POP1: variants seen among roughly 807,000 people sequenced by gnomAD.
POP1 encodes POP1 ribonuclease P/MRP subunit.
In POP1, 75 loss-of-function variants were observed where a neutral mutation model predicts 102.2. The ratio of observed to expected loss-of-function variants is 0.73; its 90% CI spans 0.61 to 0.89. POP1 has a LOEUF of 0.89. POP1 is among the 40% of genes least tolerant of loss of function. The pLI is 0.00. For missense variants in POP1, 1,116 were observed against 1,267.4 expected (o/e 0.88, Z 1.81); for synonymous variants, 436 against 464.1 (o/e 0.94, Z 0.78).
intron 14 of POP1, among the ~76,000 whole-genome samples, chr8:98,154,480 C>G (rs147428893): frequency 2.5e-3 from 388 of 152,264 alleles, no homozygotes; most frequent in African/African-American, 7.5e-3. Context: ...GAGCAGGATA[C>G]TGACATCGCA....
At chr8:98,137,980 CT>C (rs1271288136) in intron 9 of POP1, among the ~76,000 whole-genome samples, 1 of 152,148 alleles carries the variant, frequency 6.6e-6, no homozygotes, top group East Asian at 1.9e-4. Context: ...TGAACAGATT[CT>C]GAGTTTTTAG....
chr8:98,146,511 G>T, intron 11 of POP1, 57 bp from the exon 12 acceptor site: 2 of 1,272,878 alleles, frequency 1.6e-6, no homozygotes, highest in Non-Finnish European at 2.3e-6. Flanking sequence ...AATGTTTGGA[G>T]TTTGACTTCA....
intron 4 of POP1, among the ~76,000 whole-genome samples, chr8:98,129,483 G>GTT (rs1816313247): frequency 6.6e-6 from 1 of 152,220 alleles, no homozygotes; most frequent in Admixed American, 6.5e-5. Flanking sequence ...TATAAAATCT[G>GTT]TTTCCCAGTG....
Position 98,136,943 on chromosome 8 carries a change from T to A in POP1, c.1351T>A (p.Ser451Thr). The A allele has an allele frequency of 6.2e-7, 1 of 1,604,852 alleles. No individual in the cohort carries two copies. Among genetic ancestry groups the A allele is most frequent in the Non-Finnish European group, 8.5e-7 (1 of 1,171,518 alleles). ...CCTAACTGAAGCAATAAAAGCTGCTTCTGTCCACACTGTAAGAGTAAAAGT... is the reference window on the plus strand; with the variant it reads ...CCTAACTGAAGCAATAAAAGCTGCTACTGTCCACACTGTAAGAGTAAAAGT... Reference protein sequence around the residue: ...SILTEAIKAASVHTVGEDTEE... With the variant: ...SILTEAIKAATVHTVGEDTEE... The change falls in exon 9 of 16, where the codon TCT becomes ACT. Residue 451 changes from serine (S) to threonine (T), a missense_variant. Transcript: ENST00000401707.
Position 98,140,898 on chromosome 8 carries a change from C to G in POP1, c.1594+10C>G. ...CCAGAAAAATGCCAAGGTAAAGTTCCAAAAACACCCCAGGTTTTCCTTACT... is the reference window on the plus strand; with the variant it reads ...CCAGAAAAATGCCAAGGTAAAGTTCGAAAAACACCCCAGGTTTTCCTTACT... On this transcript the variant is annotated intron_variant, in intron 11 of 15. Coordinates refer to ENST00000401707, the MANE Select transcript of POP1 (RefSeq NM_001145860.2). 1 of 1,612,510 alleles carries G rather than the reference C, an allele frequency of 6.2e-7. No homozygotes were observed. Among genetic ancestry groups the G allele is most frequent in the Non-Finnish European group, 8.5e-7 (1 of 1,178,682 alleles).
At chr8:98,145,356 G>A (rs934054423) in intron 11 of POP1, among the ~76,000 whole-genome samples, 1 of 152,140 alleles carries the variant, frequency 6.6e-6, no homozygotes, top group Non-Finnish European at 1.5e-5. Context: ...TGATGTTTCT[G>A]TGTGGACAGT....
intron 14 of POP1, 141 bp from the exon 15 acceptor site, chr8:98,155,909 T>TTGTGTGTGTGTGTGTGTGTGTG (rs58936294): frequency 2.1e-6 from 1 of 484,680 alleles, no homozygotes; most frequent in Non-Finnish European, 3.6e-6. Context: ...TGGAAAGCTT[T>TTGTGTGTGTGTGTGTGTGTGTG]TGTGTGTGTG....
At chr8:98,150,122 C>T (rs1053349269) in intron 13 of POP1, among the ~76,000 whole-genome samples, 3 of 152,132 alleles carry the variant, frequency 2.0e-5, no homozygotes, top group African/African-American at 2.4e-5. Flanking sequence ...ATAATCACTC[C>T]GCTGATTTCG....
intron 9 of POP1, 69 bp from the exon 10 acceptor site, chr8:98,140,009 C>A: frequency 8.0e-7 from 1 of 1,253,386 alleles, no homozygotes; most frequent in Non-Finnish European, 1.2e-6. Context: ...GGGCTGATAT[C>A]ACAACCATGA....
Position 98,134,633 on chromosome 8 carries a change from A to G in POP1, c.985A>G (p.Ile329Val), listed in dbSNP as rs1435867132. The change falls in exon 7 of 16, where the codon ATC (isoleucine) becomes GTC (valine). Residue 329 changes from isoleucine to valine, a missense_variant. Physicochemically the swap from Ile to Val is conservative, Grantham distance 29 (BLOSUM62 3). Transcript: ENST00000401707. The part of the protein sequence containing the change: ...GDPSESRQLW[I>V]WLHPTLKQDI... ...CCCTTCTGAGAGCAGGCAGCTGTGGATCTGGCTGCATCCAACCCTTAAACA... is the reference window on the plus strand; with the variant it reads ...CCCTTCTGAGAGCAGGCAGCTGTGGGTCTGGCTGCATCCAACCCTTAAACA... 1 of 1,613,792 alleles carries G rather than the reference A, an allele frequency of 6.2e-7. No individual in the cohort carries two copies.
chr8:98,143,007 C>G (rs1349629259), intron 11 of POP1, among the ~76,000 whole-genome samples: 1 of 152,122 alleles, frequency 6.6e-6, no homozygotes, highest in Admixed American at 6.6e-5. Flanking sequence ...TACTGGTTAC[C>G]TTTGCTTCTC....
Position 98,127,598 on chromosome 8 carries a change from C to G in POP1, c.146C>G (p.Pro49Arg), listed in dbSNP as rs978188226. 4 of 1,614,010 alleles carry G rather than the reference C, an allele frequency of 2.5e-6. No individual in the cohort carries two copies. In the African/African-American group the frequency reaches 5.3e-5, roughly 22 times the overall value. Residue 49 changes from proline (P) to arginine (R), a missense_variant, in exon 3 of 16, where the codon CCT becomes CGT. Coordinates refer to ENST00000401707, the MANE Select transcript of POP1 (RefSeq NM_001145860.2). ...EKPFQAQKQE[P>R]HPGTSRQRQT... ...TTTCTTTTTGAAAATATACTAGAGCCTCATCCTGGAACTTCACGACAGCGG... is the reference window on the plus strand; with the variant it reads ...TTTCTTTTTGAAAATATACTAGAGCGTCATCCTGGAACTTCACGACAGCGG...
chr8:98,142,576 C>A (rs972033010), intron 11 of POP1, among the ~76,000 whole-genome samples: 10 of 152,140 alleles, frequency 6.6e-5, no homozygotes, highest in Non-Finnish European at 1.5e-4. Context: ...GCCGTACTAG[C>A]TGTTGTTTTA....
intron 2 of POP1, among the ~76,000 whole-genome samples, chr8:98,123,788 A>AG (rs1316725211): frequency 3.3e-5 from 5 of 151,950 alleles, no homozygotes; most frequent in African/African-American, 4.8e-5. Context: ...AAAAAAAAAA[A>AG]AAGATACACA....
Position 98,156,131 on chromosome 8 carries a change from A to T in POP1, c.2139A>T (p.Gln713His). The change falls in exon 15 of 16, where the codon CAA becomes CAT. Residue 713 changes from glutamine to histidine, a missense_variant. Coordinates refer to ENST00000401707, the MANE Select transcript of POP1 (RefSeq NM_001145860.2). ...GCTGTCCCTGGGAGCAGTTAACTCA[A>T]GACTGGGAGTCAAGAGTCCAGGCTT... ...PFCCPWEQLT[Q>H]DWESRVQAYE... 1 of 1,614,090 alleles carries T rather than the reference A, an allele frequency of 6.2e-7. No individual in the cohort carries two copies.
At chr8:98,136,771 C>T (rs1314099250) in intron 8 of POP1, 33 bp downstream of exon 8, 4 of 1,611,578 alleles carry the variant, frequency 2.5e-6, no homozygotes, top group African/African-American at 1.3e-5. Flanking sequence ...ACCTACTGAA[C>T]ATTTTCAGTG....
chr8:98,122,101 T>C (rs940721859), intron 1 of POP1, among the ~76,000 whole-genome samples: 1 of 152,182 alleles, frequency 6.6e-6, no homozygotes, highest in African/African-American at 2.4e-5. Context: ...ACTGCTGTGA[T>C]TATAGGCATG....
At chr8:98,124,679 T>C (rs1310745597) in intron 2 of POP1, among the ~76,000 whole-genome samples, 1 of 152,216 alleles carries the variant, frequency 6.6e-6, no homozygotes, top group Non-Finnish European at 1.5e-5. Context: ...GTATGAAACA[T>C]GACTACTATA....
At chr8:98,140,015 C>T in intron 9 of POP1, 63 bp from the exon 10 acceptor site, 1 of 1,309,130 alleles carries the variant, frequency 7.6e-7, no homozygotes, top group Non-Finnish European at 1.1e-6. Context: ...ATATCACAAC[C>T]ATGACAAAAT....
Sources: allele counts gnomAD v4.1 joint callset (sites outside exome capture counted in the v4.1 genomes callset), GRCh38; gene constraint gnomAD v4.1.1; transcripts MANE v1.5; gene names NCBI Gene and HGNC (gene_info 2026-07-23, HGNC 2026-07-21).